HSD11B1: variants seen among roughly 807,000 people sequenced by gnomAD.
HSD11B1 encodes the protein 11-beta-hydroxysteroid dehydrogenase 1.
Under a neutral mutation model 22.1 loss-of-function variants are expected in HSD11B1, and 15 were observed. The observed-to-expected ratio is 0.68, with a 90% CI of 0.45 to 1.04. The LOEUF (loss-of-function observed/expected upper bound fraction) is 1.04, where lower values mean the gene tolerates loss of function less well. HSD11B1 is among the 50% of genes least tolerant of loss of function. HSD11B1 has a pLI of 0.00. For missense variants in HSD11B1, 281 were observed against 357.6 expected (o/e 0.79, Z 1.73); for synonymous variants, 122 against 125.2 (o/e 0.97, Z 0.17).
intron 5 of HSD11B1, among the ~76,000 whole-genome samples, chr1:209,734,080 A>G (rs969057314): frequency 1.5e-4 from 23 of 152,048 alleles, no homozygotes; most frequent in African/African-American, 5.1e-4. Context: ...GCTCCCACCA[A>G]TCTCCATCCA....
At chr1:209,686,867 C>A (rs2076731607) in intron 1 of HSD11B1, among the ~76,000 whole-genome samples, 1 of 152,172 alleles carries the variant, frequency 6.6e-6, no homozygotes, top group Admixed American at 6.5e-5. Flanking sequence ...CAAGGGAGGC[C>A]TAAACGTGTC....
chr1:209,731,082 G>T lies in HSD11B1; in HGVS notation c.518-1354G>T, dbSNP rs546715439. Among the ~76,000 whole-genome samples, 9 of 152,314 alleles carry T rather than the reference G, an allele frequency of 5.9e-5. No individual in the cohort carries two copies. The South Asian group carries it at 1.9e-3, about 32-fold the overall frequency. On this transcript the variant is annotated intron_variant, in intron 4 of 5. Coordinates refer to ENST00000367027, the MANE Select transcript of HSD11B1 (RefSeq NM_005525.4). The stretch of plus-strand genomic sequence containing the variant: ...GAATAGCTAGAAGGAAGAGGTTGGG[G>T]TTACCGTAATAGCTGGAATGCAAAG...
chr1:209,734,705 A>C lies in HSD11B1; in HGVS notation c.*184A>C. On this transcript the variant is annotated 3_prime_UTR_variant, in exon 6 of 6. Transcript: ENST00000367027. ...CAAAATGGAAATGTAATAATAATGA[A>C]TGTCATGCACCGCTGCAGCCAGCAG... The C allele has an allele frequency of 1.7e-6, 1 of 599,952 alleles. No homozygotes were observed. Among genetic ancestry groups the C allele is most frequent in the Non-Finnish European group, 3.0e-6 (1 of 331,880 alleles). 37.2% of individuals were successfully genotyped at this position (599,952 alleles called of 1,614,324 possible).
chr1:209,705,388 A>AC (rs1462234705), intron 1 of HSD11B1, among the ~76,000 whole-genome samples: 2 of 151,928 alleles, frequency 1.3e-5, no homozygotes, highest in Non-Finnish European at 2.9e-5. Context: ...AAAAAAAAAA[A>AC]AAAACTGGAG....
chr1:209,713,559 C>T (rs998042484), intron 4 of HSD11B1, among the ~76,000 whole-genome samples: 4 of 152,102 alleles, frequency 2.6e-5, no homozygotes, highest in African/African-American at 9.7e-5. Flanking sequence ...TAATCATATA[C>T]ACACACCCTC....
At chr1:209,694,001 G>A (rs1323828316) in intron 1 of HSD11B1, among the ~76,000 whole-genome samples, 1 of 151,994 alleles carries the variant, frequency 6.6e-6, no homozygotes, top group African/African-American at 2.4e-5. Context: ...TGTGCTCTCT[G>A]TCCTCCTGCT....
At chr1:209,702,450 G>A (rs114267268), upstream of HSD11B1, among the ~76,000 whole-genome samples, 500 of 152,322 alleles carry the variant, frequency 3.3e-3, 2 homozygotes, top group African/African-American at 0.011. Flanking sequence ...AACCAGCCAT[G>A]TAAATATGGA....
chr1:209,700,873 T>C (rs116709803), upstream of HSD11B1, among the ~76,000 whole-genome samples: 2,577 of 152,318 alleles, frequency 0.017, 59 homozygotes, highest in South Asian at 0.07. Flanking sequence ...CAACAGTCTC[T>C]TTGCTAACAC....
intron 4 of HSD11B1, among the ~76,000 whole-genome samples, chr1:209,727,157 G>C (rs912858997): frequency 2.0e-5 from 3 of 152,212 alleles, no homozygotes; most frequent in Non-Finnish European, 2.9e-5. Context: ...AGAGAAGAAA[G>C]TGATGTGAAG....
At chr1:209,718,771 C>T (rs1171137081) in intron 4 of HSD11B1, among the ~76,000 whole-genome samples, 1 of 151,978 alleles carries the variant, frequency 6.6e-6, no homozygotes, top group African/African-American at 2.4e-5. Flanking sequence ...TGTGGTGGCT[C>T]ATGCCTGTAA....
At chr1:209,693,504 G>A (rs1465201384) in intron 1 of HSD11B1, among the ~76,000 whole-genome samples, 1 of 152,170 alleles carries the variant, frequency 6.6e-6, no homozygotes, top group African/African-American at 2.4e-5. Flanking sequence ...GAAGCAGAAG[G>A]CAAGGATTCA....
At chr1:209,710,333 G>A (rs1209567223) in intron 4 of HSD11B1, among the ~76,000 whole-genome samples, 1 of 152,146 alleles carries the variant, frequency 6.6e-6, no homozygotes, top group Non-Finnish European at 1.5e-5. Flanking sequence ...AGCTAGAACT[G>A]AGCATCTAAG....
Position 209,734,862 on chromosome 1 carries a change from T to C in HSD11B1, c.*341T>C, listed in dbSNP as rs2077057609. 6.3e-6 allele frequency: 1 copy of C among 158,500 alleles called. No homozygotes were observed. The allele number at this position is 158,500 out of a possible 1,614,324, so 9.8% of individuals were successfully genotyped here. ...AGGTCACATAAACTTTATAAATTCA[T>C]AACTGGTAGCTATAACTTGAGCTTA... On this transcript the variant is annotated 3_prime_UTR_variant, in exon 6 of 6. Transcript: ENST00000367027.
chr1:209,714,868 T>C lies in HSD11B1; in HGVS notation c.517+7740T>C, dbSNP rs575603554. On this transcript the variant is annotated intron_variant, in intron 4 of 5. Transcript: ENST00000367027. ...CATCAGAGACTGAGTGAGATGAGGA[T>C]GGCATCCTCACATGGGGCAGCAGTG... Among the ~76,000 whole-genome samples, 39 of 152,292 alleles carry C rather than the reference T, an allele frequency of 2.6e-4. 2 individuals carry two copies. In the South Asian group the frequency reaches 7.1e-3, roughly 28 times the overall value.
At chr1:209,690,957 T>C (rs1455447256) in intron 1 of HSD11B1, among the ~76,000 whole-genome samples, 1 of 152,170 alleles carries the variant, frequency 6.6e-6, no homozygotes, top group Non-Finnish European at 1.5e-5. Context: ...AATTTCCATA[T>C]TCAGTGGACC....
chr1:209,690,452 T>G (rs1039568409), intron 1 of HSD11B1, among the ~76,000 whole-genome samples: 2 of 152,100 alleles, frequency 1.3e-5, no homozygotes, highest in Non-Finnish European at 2.9e-5. Context: ...ATCCCAGCAA[T>G]TTGGGAGGCC....
Position 209,706,561 on chromosome 1 carries a change from A to G in HSD11B1, c.220-148A>G. The G allele has an allele frequency of 1.4e-6, 1 of 738,014 alleles. No homozygotes were observed. Among genetic ancestry groups the G allele is most frequent in the Non-Finnish European group, 2.5e-6 (1 of 402,562 alleles). The allele number at this position is 738,014 out of a possible 1,614,324, so 45.7% of individuals were successfully genotyped here. ...AGAGGACGATGATCATGAGGGTTAT[A>G]TTAGGCAACACACACACAAACATAC... is the stretch of plus-strand genomic sequence containing the variant. On this transcript the variant is annotated intron_variant, in intron 2 of 5. Coordinates refer to ENST00000367027, the MANE Select transcript of HSD11B1 (RefSeq NM_005525.4). This position sits in a 1 kb window ranked among gnomAD's most constrained non-coding sequence, Gnocchi z 4.0.
intron 4 of HSD11B1, among the ~76,000 whole-genome samples, chr1:209,708,813 A>C (rs1368679689): frequency 6.6e-6 from 1 of 152,224 alleles, no homozygotes; most frequent in African/African-American, 2.4e-5. Flanking sequence ...AAATTCTGAT[A>C]ATCTCTGTTT....
chr1:209,701,249 G>A (rs1034107050), upstream of HSD11B1, among the ~76,000 whole-genome samples: 2 of 152,160 alleles, frequency 1.3e-5, no homozygotes, highest in Non-Finnish European at 2.9e-5. Flanking sequence ...ACATGGCTGG[G>A]GAGGCCTCAG....
Sources: gnomAD v4.1 joint callset for allele counts (sites outside exome capture counted in the v4.1 genomes callset) on GRCh38, gnomAD v4.1.1 for gene constraint, Gnocchi (gnomAD v3.1) non-coding constraint, MANE v1.5 for transcripts, NCBI Gene and HGNC (gene_info 2026-07-23, HGNC 2026-07-21) for gene names.